EPHA4: variants seen among roughly 807,000 people sequenced by gnomAD.
EPHA4 encodes ephrin type-A receptor 4.
EPHA4 carries 19 observed loss-of-function variants against 108.3 expected under a neutral mutation model. The ratio of observed to expected loss-of-function variants is 0.18; its 90% CI spans 0.12 to 0.26. The LOEUF is 0.26. Ranked by LOEUF, EPHA4 falls within the 10% of genes least tolerant of loss-of-function variation. The pLI, the probability that EPHA4 is intolerant of heterozygous loss-of-function variation, is 1.00. For synonymous variants in EPHA4, 449 were observed against 455.5 expected (o/e 0.99, Z 0.18); for missense variants, 917 against 1,254.0 (o/e 0.73, Z 4.06).
chr2:221,437,872 G>A lies in EPHA4; in HGVS notation c.2075-750C>T, dbSNP rs187820357. Among the ~76,000 whole-genome samples the A allele has an allele frequency of 2.1e-3, 308 of 149,416 alleles. 2 individuals carry two copies. The highest frequency in any genetic ancestry group is 7.0e-3 in the African/African-American group (284 of 40,528). ...CGGGAGGCCAAGGTTGTAGTGAGCCGAGATTGCGTCATTACACTCCAGCCT... is the reference window on the plus strand; with the variant it reads ...CGGGAGGCCAAGGTTGTAGTGAGCCAAGATTGCGTCATTACACTCCAGCCT... On this transcript the variant is annotated intron_variant, in intron 11 of 17. Transcript: ENST00000281821.
intron 3 of EPHA4, among the ~76,000 whole-genome samples, chr2:221,558,845 C>A (rs936867631): frequency 1.3e-5 from 2 of 152,138 alleles, no homozygotes; most frequent in Non-Finnish European, 2.9e-5. Flanking sequence ...CACAGCCATG[C>A]TTCAAAGCCG....
At chr2:221,553,674 A>G (rs1222840203) in intron 3 of EPHA4, among the ~76,000 whole-genome samples, 1 of 152,240 alleles carries the variant, frequency 6.6e-6, no homozygotes, top group African/African-American at 2.4e-5. Flanking sequence ...CCATGAAGAG[A>G]TAACGCCATA....
intron 3 of EPHA4, among the ~76,000 whole-genome samples, chr2:221,514,006 C>T (rs11695845): frequency 1.3e-5 from 2 of 151,878 alleles, no homozygotes; most frequent in African/African-American, 4.8e-5. Flanking sequence ...GGATAACAGA[C>T]GATGATCTTC....
rs199981171 is a variant in EPHA4 at position 221,457,913 on chromosome 2, G to A, written c.1396C>T (p.Arg466Trp). The change falls in exon 6 of 18, where the codon CGG becomes TGG. Residue 466 changes from arginine (R) to tryptophan (W), a missense_variant. By Grantham distance (101) the Arg-to-Trp change is moderately radical (BLOSUM62 -3). Coordinates refer to ENST00000281821, the MANE Select transcript of EPHA4 (RefSeq NM_004438.5). ...SVALAWLEPDRPNGVILEYEV... is the reference protein window; with the variant it reads ...SVALAWLEPDWPNGVILEYEV... ...TATTCCAGGATTACCCCATTGGGCC[G>A]ATCTGGTTCCAGCCAAGCCAGTGCC... is the stretch of plus-strand genomic sequence containing the variant. 104 of 1,613,746 alleles carry A rather than the reference G, an allele frequency of 6.4e-5. No homozygotes were observed. The highest frequency in any genetic ancestry group is 1.1e-4 in the African/African-American group (8 of 74,918).
chr2:221,511,158 G>A (rs550880739), intron 3 of EPHA4, among the ~76,000 whole-genome samples: 55 of 151,214 alleles, frequency 3.6e-4, no homozygotes, highest in African/African-American at 1.3e-3. Flanking sequence ...TTGCTGCCAG[G>A]TTTGATAAAA....
chr2:221,542,894 A>G (rs1693877819), intron 3 of EPHA4, among the ~76,000 whole-genome samples: 1 of 152,210 alleles, frequency 6.6e-6, no homozygotes, highest in South Asian at 2.1e-4. Flanking sequence ...AAACCTTGAG[A>G]AAGTAAAACT....
chr2:221,422,074 TAA>T (rs529717133), intron 17 of EPHA4: 18 of 139,108 alleles, frequency 1.3e-4, no homozygotes, highest in Non-Finnish European at 1.9e-4. Context: ...ACCCCATCTT[TAA>T]AAAAAAAAAA....
chr2:221,442,965 T>G lies in EPHA4; in HGVS notation c.1938A>C (p.Arg646Ser). Reference sequence around the variant, plus strand: ...GAGTCTTGATAGCCACACAGATCTCTCTCTTGCCAGGCACTTTGAGACGCC... The same window carrying G: ...GAGTCTTGATAGCCACACAGATCTCGCTCTTGCCAGGCACTTTGAGACGCC... ...CSGRLKVPGK[R>S]EICVAIKTLK... is the part of the protein sequence containing the mutation. The change falls in exon 11 of 18, where the codon AGA (arginine) becomes AGC (serine). Residue 646 changes from arginine (R) to serine (S), a missense_variant. By Grantham distance (110) the Arg-to-Ser change is moderately radical. Coordinates refer to ENST00000281821, the MANE Select transcript of EPHA4 (RefSeq NM_004438.5). 1.2e-6 allele frequency: 2 copies of G among 1,614,160 alleles called. No homozygotes were observed. The highest frequency in any genetic ancestry group is 1.7e-6 in the Non-Finnish European group (2 of 1,180,026).
chr2:221,502,605 C>T (rs1160899759), intron 3 of EPHA4: 2 of 470,982 alleles, frequency 4.2e-6, no homozygotes, highest in Non-Finnish European at 4.4e-6. Flanking sequence ...ACTGTCACTA[C>T]TCATCCATCA....
rs554227026 is a variant in EPHA4, at chr2:221,529,769, C to T, written c.824-28597G>A. ...AGTATGAAGCACCAGTCTCCAACAC[C>T]GAGGGTTTCTAGGTGTGACACCATG... On this transcript the variant is annotated intron_variant, in intron 3 of 17. Transcript: ENST00000281821. Among the ~76,000 whole-genome samples, 8 of 152,250 alleles carry T rather than the reference C, an allele frequency of 5.3e-5. No individual in the cohort carries two copies. In the East Asian group the frequency reaches 1.4e-3, roughly 26 times the overall value.
intron 13 of EPHA4, among the ~76,000 whole-genome samples, chr2:221,434,924 T>A (rs1307484222): frequency 6.6e-6 from 1 of 152,108 alleles, no homozygotes; most frequent in African/African-American, 2.4e-5. Context: ...TGTAAAATGG[T>A]AAAGCAAGTG....
At chr2:221,518,048 G>C (rs1206725545) in intron 3 of EPHA4, among the ~76,000 whole-genome samples, 1 of 152,242 alleles carries the variant, frequency 6.6e-6, no homozygotes, top group African/African-American at 2.4e-5. Flanking sequence ...GGGCAGCGCA[G>C]TGTTGTTTTA....
intron 3 of EPHA4, among the ~76,000 whole-genome samples, chr2:221,534,387 G>A (rs1693602957): frequency 6.6e-6 from 1 of 152,090 alleles, no homozygotes; most frequent in Admixed American, 6.6e-5. Flanking sequence ...CCCTAAATAG[G>A]TTTTTCTTGT....
intron 11 of EPHA4, 62 bp from the exon 12 acceptor site, chr2:221,437,184 A>T: frequency 1.6e-6 from 2 of 1,269,464 alleles, no homozygotes; most frequent in Non-Finnish European, 2.3e-6. Context: ...TGAGATAAAA[A>T]TGGGCTGCGC....
At chr2:221,504,355 A>G (rs909668297) in intron 3 of EPHA4, among the ~76,000 whole-genome samples, 15 of 151,986 alleles carry the variant, frequency 9.9e-5, no homozygotes, top group Non-Finnish European at 2.9e-5. Context: ...GGAGGAGGAG[A>G]AGGAGGAGGA....
intron 7 of EPHA4, 32 bp from the exon 8 acceptor site, chr2:221,455,690 T>C (rs1171651556): frequency 6.5e-7 from 1 of 1,549,166 alleles, no homozygotes; most frequent in Non-Finnish European, 8.9e-7. Flanking sequence ...GGGTCACCTT[T>C]GGGAAAGTCT....
chr2:221,561,366 C>A (rs1195149030), intron 3 of EPHA4, among the ~76,000 whole-genome samples: 6 of 151,996 alleles, frequency 3.9e-5, no homozygotes. Flanking sequence ...AAACAAACAA[C>A]CAAAGTGCAA....
At chr2:221,554,441 G>A (rs1400472124) in intron 3 of EPHA4, among the ~76,000 whole-genome samples, 1 of 152,156 alleles carries the variant, frequency 6.6e-6, no homozygotes, top group Non-Finnish European at 1.5e-5. Flanking sequence ...ATATATGATC[G>A]TGGCCTTTCA....
chr2:221,514,924 T>C (rs547479794), intron 3 of EPHA4, among the ~76,000 whole-genome samples: 1 of 152,290 alleles, frequency 6.6e-6, no homozygotes, highest in South Asian at 2.1e-4. Context: ...ATCAGGCTTA[T>C]TATCAAATAC....
Sources: gnomAD v4.1 joint callset for allele counts (sites outside exome capture counted in the v4.1 genomes callset) on GRCh38, gnomAD v4.1.1 for gene constraint, MANE v1.5 for transcripts, NCBI Gene and HGNC (gene_info 2026-07-23, HGNC 2026-07-21) for gene names.